Variants in ANKRD6 observed in about 807,000 individuals in gnomAD.
ANKRD6 encodes the protein ankyrin repeat domain-containing protein 6.
Under a neutral mutation model 82.3 loss-of-function variants are expected in ANKRD6, and 56 were observed. The observed-to-expected ratio is 0.68, with a 90% CI of 0.55 to 0.85. ANKRD6 has a LOEUF of 0.85. Ranked by LOEUF, ANKRD6 falls within the 40% of genes least tolerant of loss-of-function variation. The pLI is 0.00. For missense variants in ANKRD6, 852 were observed against 907.6 expected, an observed-to-expected ratio of 0.94 and a Z score of 0.79; for synonymous variants, 347 against 352.1, an observed-to-expected ratio of 0.99 and a Z score of 0.16.
At chr6:89,582,018 A>G (rs925152026) in intron 2 of ANKRD6, among the ~76,000 whole-genome samples, 1 of 152,212 alleles carries the variant, frequency 6.6e-6, no homozygotes, top group African/African-American at 2.4e-5. Context: ...GAAAATCTCA[A>G]CTGGGAAAGC....
intron 1 of ANKRD6, among the ~76,000 whole-genome samples, chr6:89,542,887 A>C (rs544152552): frequency 2.0e-4 from 30 of 152,386 alleles, no homozygotes; most frequent in African/African-American, 6.5e-4. Flanking sequence ...CAATTTCAGA[A>C]ACTGGTAGCA....
At chr6:89,582,383 G>A (rs1361951184) in intron 2 of ANKRD6, among the ~76,000 whole-genome samples, 1 of 151,924 alleles carries the variant, frequency 6.6e-6, no homozygotes, top group African/African-American at 2.4e-5. Context: ...TGGAGACGGG[G>A]TCTTGCCATG....
rs566739142 is a variant in ANKRD6 at position 89,497,800 on chromosome 6, A to C, written c.-144+64425A>C. Among the ~76,000 whole-genome samples the C allele has an allele frequency of 3.2e-4, 48 of 152,336 alleles. No individual in the cohort carries two copies. The South Asian group carries it at 9.9e-3, about 32-fold the overall frequency. ...TTTAAAGTAATTTCACACAGTGTGC[A>C]ACCATCATCAGAATCCAGTTTGAGA... On this transcript the variant is annotated intron_variant, in intron 1 of 15. Coordinates refer to ENST00000339746, the MANE Select transcript of ANKRD6 (RefSeq NM_001242809.2).
At chr6:89,476,998 G>A (rs1582813488) in intron 1 of ANKRD6, among the ~76,000 whole-genome samples, 1 of 152,324 alleles carries the variant, frequency 6.6e-6, no homozygotes, top group East Asian at 1.9e-4. Flanking sequence ...AGGCTGGAGT[G>A]CAGTGGCACA....
intron 1 of ANKRD6, among the ~76,000 whole-genome samples, chr6:89,542,533 A>G (rs905224780): frequency 6.6e-6 from 1 of 152,192 alleles, no homozygotes; most frequent in Non-Finnish European, 1.5e-5. Context: ...CACAGGAGGC[A>G]TAGATAGTAT....
intron 5 of ANKRD6, 118 bp downstream of exon 5, chr6:89,606,223 C>A: frequency 1.4e-6 from 1 of 730,228 alleles, no homozygotes; most frequent in South Asian, 2.5e-5. Context: ...GCACGAGGAA[C>A]CTGAAGGTCC....
chr6:89,617,550 T>C (rs1801896978), intron 8 of ANKRD6, among the ~76,000 whole-genome samples: 1 of 152,228 alleles, frequency 6.6e-6, no homozygotes, highest in African/African-American at 2.4e-5. Flanking sequence ...GATTAATCAC[T>C]GGGCTGGGCC....
At position 89,606,014 on chromosome 6, in the gene ANKRD6, A is replaced by G. The variant is rs1254639765; in HGVS notation, c.326A>G (p.Asn109Ser). 2.5e-6 allele frequency: 4 copies of G among 1,592,192 alleles called. No homozygotes were observed. The highest frequency in any genetic ancestry group is 2.6e-6 in the Non-Finnish European group (3 of 1,167,908). The change falls in exon 5 of 16, where the codon AAT becomes AGT. Residue 109 changes from asparagine (N) to serine (S), a missense_variant. Physicochemically the swap from Asn to Ser is conservative, Grantham distance 46 (BLOSUM62 1). Transcript: ENST00000339746. ...CCTGTGTGTCTTCCTTAGGATGGGA[A>G]TACAGCCTTGCATGAAGCATCCTGG... ...CALDRQDKDG[N>S]TALHEASWHG...
chr6:89,575,134 G>T (rs1214073272), intron 2 of ANKRD6, among the ~76,000 whole-genome samples: 1 of 152,190 alleles, frequency 6.6e-6, no homozygotes, highest in Non-Finnish European at 1.5e-5. Context: ...TATGAGGCAG[G>T]ACCCTCTCTG....
intron 1 of ANKRD6, among the ~76,000 whole-genome samples, chr6:89,558,361 G>A (rs1160063432): frequency 3.9e-5 from 6 of 152,114 alleles, no homozygotes; most frequent in Admixed American, 2.0e-4. Flanking sequence ...GTGGTACAAT[G>A]GAATATTATG....
At chr6:89,549,725 GACAGA>G (rs1785565369) in intron 1 of ANKRD6, among the ~76,000 whole-genome samples, 1 of 152,126 alleles carries the variant, frequency 6.6e-6, no homozygotes, top group African/African-American at 2.4e-5. Flanking sequence ...GTGAGGAACA[GACAGA>G]AGCCCAGTGC....
At chr6:89,490,202 G>T (rs1777857611) in intron 1 of ANKRD6, among the ~76,000 whole-genome samples, 2 of 152,214 alleles carry the variant, frequency 1.3e-5, no homozygotes, top group Admixed American at 1.3e-4. Context: ...AGGATTTAGT[G>T]CTGGAAAAGA....
At chr6:89,504,831 T>G (rs1226546529) in intron 1 of ANKRD6, 1 of 152,222 alleles carries the variant, frequency 6.6e-6, no homozygotes, top group Non-Finnish European at 1.5e-5. Flanking sequence ...GCCTTTCCCT[T>G]TAATGAAAAA....
chr6:89,612,273 C>T lies in ANKRD6; in HGVS notation c.419C>T (p.Ala140Val), dbSNP rs769153391. 77 of 1,556,254 alleles carry T rather than the reference C, an allele frequency of 4.9e-5. No homozygotes were observed. The highest frequency in any genetic ancestry group is 3.3e-4 in the Middle Eastern group (2 of 6,010). Reference protein sequence around the residue: ...AGANVLAKNKAGNTALHLACQ... With the variant: ...AGANVLAKNKVGNTALHLACQ... ...TCCCTCTCTCTGCCTCTCTCCAAGG[C>T]GGGGAACACAGCTCTGCACCTGGCC... Residue 140 changes from alanine to valine, a missense_variant and splice_region_variant, in exon 6 of 16, where the codon GCG becomes GTG. Physicochemically the swap from Ala to Val is moderately conservative, Grantham distance 64 (BLOSUM62 0). Coordinates refer to ENST00000339746, the MANE Select transcript of ANKRD6 (RefSeq NM_001242809.2).
chr6:89,563,963 G>A (rs1787941017), intron 1 of ANKRD6, among the ~76,000 whole-genome samples: 2 of 152,172 alleles, frequency 1.3e-5, no homozygotes. Flanking sequence ...GCAGGAAGAA[G>A]CAGAAAGGAA....
chr6:89,570,051 G>A (rs551000306), intron 2 of ANKRD6, among the ~76,000 whole-genome samples: 5 of 110,458 alleles, frequency 4.5e-5, no homozygotes, highest in Non-Finnish European at 9.6e-5. Context: ...TCGTGTGTGT[G>A]TATGTGTGTA....
intron 1 of ANKRD6, among the ~76,000 whole-genome samples, chr6:89,490,444 G>A (rs920022420): frequency 3.3e-5 from 5 of 152,166 alleles, no homozygotes; most frequent in Non-Finnish European, 7.3e-5. Context: ...TCTTTTATTC[G>A]ACAAATATCA....
chr6:89,557,178 G>C (rs905274146), intron 1 of ANKRD6, among the ~76,000 whole-genome samples: 4 of 152,166 alleles, frequency 2.6e-5, no homozygotes, highest in Admixed American at 2.6e-4. Context: ...ATCCAAGGAA[G>C]ATGTCTGGTA....
chr6:89,554,179 T>C (rs1248423201), intron 1 of ANKRD6, among the ~76,000 whole-genome samples: 2 of 152,164 alleles, frequency 1.3e-5, no homozygotes, highest in Non-Finnish European at 2.9e-5. Flanking sequence ...ACAACAGACA[T>C]TTATGCTGTC....
Sources: allele counts gnomAD v4.1 joint callset (sites outside exome capture counted in the v4.1 genomes callset), GRCh38; gene constraint gnomAD v4.1.1; transcripts MANE v1.5; gene names NCBI Gene and HGNC (gene_info 2026-07-23, HGNC 2026-07-21).